The following SAP30BP variants were observed in gnomAD, a reference collection of about 807,000 sequenced individuals.
SAP30BP encodes the protein SAP30-binding protein.
A neutral mutation model predicts 46.3 loss-of-function variants in SAP30BP; 31 were observed. The observed-to-expected ratio is 0.67, with a 90% CI of 0.50 to 0.90. The LOEUF is 0.90. Ranked by LOEUF, SAP30BP falls within the 40% of genes least tolerant of loss-of-function variation. The pLI, the probability that SAP30BP is intolerant of heterozygous loss-of-function variation, is 0.00. For missense variants in SAP30BP, 312 were observed against 391.0 expected, an observed-to-expected ratio of 0.80 and a Z score of 1.70; for synonymous variants, 169 against 144.2, an observed-to-expected ratio of 1.17 and a Z score of -1.23.
intron 3 of SAP30BP, among the ~76,000 whole-genome samples, chr17:75,682,856 A>ATTG (rs2060101885): frequency 1.3e-5 from 2 of 150,588 alleles, no homozygotes; most frequent in African/African-American, 2.4e-5. Context: ...CCAGCTACTC[A>ATTG]GGAGGCTGAG....
At chr17:75,685,959 A>G (rs1486065969) in intron 3 of SAP30BP, among the ~76,000 whole-genome samples, 1 of 152,158 alleles carries the variant, frequency 6.6e-6, no homozygotes, top group East Asian at 1.9e-4. Flanking sequence ...TGTAGATTGT[A>G]CTTGGAATAG....
At chr17:75,699,709 C>A in intron 4 of SAP30BP, 74 bp from the exon 5 acceptor site, 2 of 972,612 alleles carry the variant, frequency 2.1e-6, no homozygotes, top group South Asian at 1.3e-5. Context: ...ATTTTATGTG[C>A]TTATGTTTTT....
chr17:75,687,230 T>C (rs941592788), intron 3 of SAP30BP, among the ~76,000 whole-genome samples: 2 of 152,220 alleles, frequency 1.3e-5, no homozygotes, highest in African/African-American at 4.8e-5. Context: ...TAAATCATGC[T>C]CAATAAATTA....
chr17:75,676,544 G>A (rs1299622983), intron 3 of SAP30BP, among the ~76,000 whole-genome samples: 5 of 152,166 alleles, frequency 3.3e-5, no homozygotes, highest in South Asian at 2.1e-4. Flanking sequence ...ACAGGCTTTG[G>A]TCTTGAGAAA....
chr17:75,667,609 C>T (rs904673495), intron 1 of SAP30BP, 131 bp downstream of exon 1: 7 of 746,738 alleles, frequency 9.4e-6, no homozygotes, highest in Admixed American at 2.6e-5. Flanking sequence ...GTCCAGGGTC[C>T]GGGGTGAGAT....
intron 3 of SAP30BP, among the ~76,000 whole-genome samples, chr17:75,673,613 A>G (rs1027778589): frequency 6.6e-5 from 10 of 152,160 alleles, no homozygotes; most frequent in Admixed American, 2.0e-4. Context: ...AGGGTACATA[A>G]CACTTAACGG....
rs764754897 is a variant in SAP30BP, at chr17:75,668,484, TTTG to T, written c.107-29_107-27del. 32 of 1,323,306 alleles carry T rather than the reference TTTG, an allele frequency of 2.4e-5. No homozygotes were observed. In the Admixed American group the frequency reaches 7.9e-4, roughly 33 times the overall value. The allele number at this position is 1,323,306 out of a possible 1,614,324, so 82.0% of individuals were successfully genotyped here. ...AACTCTTGTTTTTTTTTTCTTGCTT[TTTG>T]TTTGTTTGTTTGTTTTTTAACCTTT... is the stretch of plus-strand genomic sequence containing the variant. On this transcript the variant is annotated intron_variant, in intron 1 of 10. Coordinates refer to ENST00000584667, the MANE Select transcript of SAP30BP (RefSeq NM_013260.8).
intron 5 of SAP30BP, 27 bp from the exon 6 acceptor site, chr17:75,702,453 C>T (rs746250516): frequency 1.8e-6 from 2 of 1,096,702 alleles, no homozygotes; most frequent in South Asian, 1.3e-5. Context: ...TCATACACCC[C>T]CCCACCCCCT....
chr17:75,694,157 C>T (rs1255980657), intron 4 of SAP30BP, among the ~76,000 whole-genome samples: 1 of 152,112 alleles, frequency 6.6e-6, no homozygotes, highest in East Asian at 1.9e-4. Context: ...CTCTCCTGTC[C>T]GTCCTGCTGA....
intron 3 of SAP30BP, among the ~76,000 whole-genome samples, chr17:75,680,171 G>T (rs192847415): frequency 2.0e-4 from 30 of 152,210 alleles, no homozygotes; most frequent in African/African-American, 7.0e-4. Flanking sequence ...AAAAGATCTA[G>T]ATCTCACGCT....
chr17:75,671,203 C>T (rs2059902904), intron 2 of SAP30BP, among the ~76,000 whole-genome samples: 1 of 152,240 alleles, frequency 6.6e-6, no homozygotes, highest in South Asian at 2.1e-4. Context: ...TCAACTGGGA[C>T]TCCTGAAAGG....
intron 1 of SAP30BP, 62 bp downstream of exon 1, chr17:75,667,540 C>CG: frequency 6.7e-7 from 1 of 1,484,894 alleles, no homozygotes; most frequent in South Asian, 1.1e-5. Flanking sequence ...GCTGTACCCT[C>CG]GCTGGGCGGG....
At chr17:75,669,509 C>T (rs2148365361) in intron 2 of SAP30BP, among the ~76,000 whole-genome samples, 1 of 152,280 alleles carries the variant, frequency 6.6e-6, no homozygotes, top group South Asian at 2.1e-4. Context: ...TTCCAAAGTG[C>T]TGGGATTACA....
At chr17:75,676,615 GT>G (rs1357652803) in intron 3 of SAP30BP, among the ~76,000 whole-genome samples, 3 of 152,214 alleles carry the variant, frequency 2.0e-5, no homozygotes, top group Non-Finnish European at 2.9e-5. Flanking sequence ...TAAAAATGGT[GT>G]TTCCTGAAGA....
chr17:75,673,622 G>A (rs980880757), intron 3 of SAP30BP, among the ~76,000 whole-genome samples: 1 of 152,114 alleles, frequency 6.6e-6, no homozygotes, highest in Admixed American at 6.6e-5. Context: ...AACACTTAAC[G>A]GTCACCCCTT....
At chr17:75,704,907 A>C in intron 9 of SAP30BP, 93 bp downstream of exon 9, 2 of 990,782 alleles carry the variant, frequency 2.0e-6, no homozygotes, top group Non-Finnish European at 1.6e-6. Flanking sequence ...GCTGCCCCCA[A>C]CCCTGGCCCC....
intron 3 of SAP30BP, among the ~76,000 whole-genome samples, chr17:75,681,601 G>C (rs923447809): frequency 6.6e-6 from 1 of 152,202 alleles, no homozygotes; most frequent in African/African-American, 2.4e-5. Context: ...GTTGTTGACT[G>C]CTGATTATAG....
Position 75,706,327 on chromosome 17 carries a change from G to C in SAP30BP, c.746-13G>C. 2 of 1,610,874 alleles carry C rather than the reference G, an allele frequency of 1.2e-6. No individual in the cohort carries two copies. The highest frequency in any genetic ancestry group is 1.1e-5 in the South Asian group (1 of 91,036). ...TTGGTGGATCGTGATCCTGATTTCT[G>C]CTTTATCTCCAGATGCTCAGAAGAG... On this transcript the variant is annotated splice_polypyrimidine_tract_variant and intron_variant, in intron 10 of 10. Coordinates refer to ENST00000584667, the MANE Select transcript of SAP30BP (RefSeq NM_013260.8). This position sits in a 1 kb window ranked among gnomAD's most constrained non-coding sequence, Gnocchi z 4.6.
At chr17:75,688,664 C>G (rs2060197108) in intron 3 of SAP30BP, among the ~76,000 whole-genome samples, 1 of 152,156 alleles carries the variant, frequency 6.6e-6, no homozygotes, top group Admixed American at 6.5e-5. Context: ...TTCTCTTACT[C>G]AGGACTTGGT....
Sources: gnomAD v4.1 joint callset for allele counts (sites outside exome capture counted in the v4.1 genomes callset) on GRCh38, gnomAD v4.1.1 for gene constraint, Gnocchi (gnomAD v3.1) non-coding constraint, MANE v1.5 for transcripts, NCBI Gene and HGNC (gene_info 2026-07-23, HGNC 2026-07-21) for gene names.